MINPP1: variants seen among roughly 807,000 people sequenced by gnomAD.
MINPP1 encodes the protein multiple inositol polyphosphate phosphatase 1.
A neutral mutation model predicts 46.1 loss-of-function variants in MINPP1; 28 were observed. The observed-to-expected ratio is 0.61, with a 90% confidence interval of 0.45 to 0.83. The LOEUF is 0.83. MINPP1 is among the 40% of genes least tolerant of loss of function. MINPP1 has a pLI of 0.00. For missense variants in MINPP1, 603 were observed against 610.0 expected (o/e 0.99, Z 0.12); for synonymous variants, 268 against 249.1 (o/e 1.08, Z -0.72).
At position 87,505,085 on chromosome 10, in the gene MINPP1, A is replaced by G. The variant is rs1851219136; in HGVS notation, c.170A>G (p.Asn57Ser). 1 of 1,613,332 alleles carries G rather than the reference A, an allele frequency of 6.2e-7. No homozygotes were observed. Among genetic ancestry groups the G allele is most frequent in the African/African-American group, 1.3e-5 (1 of 74,890 alleles). Residue 57 changes from asparagine to serine, a missense_variant, in exon 1 of 5, where the codon AAC becomes AGC. By Grantham distance (46) the Asn-to-Ser change is conservative. Coordinates refer to ENST00000371996, the MANE Select transcript of MINPP1 (RefSeq NM_004897.5). The surrounding 1 kb of genome is among the most constrained non-coding windows in gnomAD (Gnocchi z 4.4). ...FGTKTRYEDV[N>S]PVLLSGPEAP... ...ACCAAGACTCGCTACGAGGATGTCAACCCCGTGCTATTGTCGGGCCCCGAG... is the reference window on the plus strand; with the variant it reads ...ACCAAGACTCGCTACGAGGATGTCAGCCCCGTGCTATTGTCGGGCCCCGAG...
chr10:87,536,569 AC>A (rs1210498399), intron 4 of MINPP1, among the ~76,000 whole-genome samples: 2 of 151,768 alleles, frequency 1.3e-5, no homozygotes, highest in African/African-American at 4.8e-5. Flanking sequence ...TTCACTTTCT[AC>A]CCCCATTTTC....
At chr10:87,513,263 T>A (rs763926878) in intron 3 of MINPP1, 42 bp downstream of exon 3, 94 of 1,459,488 alleles carry the variant, frequency 6.4e-5, no homozygotes, top group East Asian at 1.6e-4. Flanking sequence ...TTTAAAAAAA[T>A]TTTTTTTGGC....
chr10:87,524,558 G>A (rs371359413), intron 4 of MINPP1, among the ~76,000 whole-genome samples: 11 of 152,206 alleles, frequency 7.2e-5, no homozygotes, highest in African/African-American at 2.7e-4. Context: ...TGACCCAAGA[G>A]ACCTAGTTTT....
At chr10:87,548,028 G>A (rs1489093941) in intron 4 of MINPP1, among the ~76,000 whole-genome samples, 1 of 152,168 alleles carries the variant, frequency 6.6e-6, no homozygotes, top group Non-Finnish European at 1.5e-5. Flanking sequence ...ACCAAGTTAT[G>A]CCCTGTAGTT....
At chr10:87,507,462 T>C (rs1218297183) in intron 1 of MINPP1, among the ~76,000 whole-genome samples, 3 of 150,732 alleles carry the variant, frequency 2.0e-5, no homozygotes, top group African/African-American at 7.4e-5. Context: ...GTGGGCAGAA[T>C]TATCCATTTC....
At chr10:87,534,696 T>C (rs1851709042) in intron 4 of MINPP1, among the ~76,000 whole-genome samples, 1 of 152,208 alleles carries the variant, frequency 6.6e-6, no homozygotes, top group Non-Finnish European at 1.5e-5. Flanking sequence ...AGTTACTATT[T>C]TAAAAAAAGA....
chr10:87,520,943 CATTGT>C (rs988045392), intron 3 of MINPP1, 88 bp from the exon 4 acceptor site: 56 of 649,648 alleles, frequency 8.6e-5, no homozygotes, highest in Non-Finnish European at 1.3e-4. Context: ...GGTAATTAAA[CATTGT>C]AACCATTTCT....
chr10:87,511,729 T>C (rs1442979650), intron 2 of MINPP1, among the ~76,000 whole-genome samples: 1 of 152,152 alleles, frequency 6.6e-6, no homozygotes, highest in African/African-American at 2.4e-5. Context: ...TTTTTTTTTC[T>C]GGTAAACTCT....
At chr10:87,539,384 T>C (rs1851781742) in intron 4 of MINPP1, among the ~76,000 whole-genome samples, 1 of 152,190 alleles carries the variant, frequency 6.6e-6, no homozygotes, top group South Asian at 2.1e-4. Flanking sequence ...TTTGGGATAC[T>C]TCTGCCAAGA....
intron 4 of MINPP1, among the ~76,000 whole-genome samples, chr10:87,544,975 A>C (rs1311273049): frequency 2.0e-5 from 3 of 152,328 alleles, no homozygotes; most frequent in Middle Eastern, 3.4e-3. Context: ...TAGTTGTTGC[A>C]ACTTATTTAA....
chr10:87,548,224 A>G (rs1851915293), intron 4 of MINPP1, among the ~76,000 whole-genome samples: 1 of 152,118 alleles, frequency 6.6e-6, no homozygotes. Context: ...CTTAGTCACA[A>G]GGATTTGTTC....
chr10:87,525,670 A>C lies in MINPP1; in HGVS notation c.1067+4501A>C, dbSNP rs550964652. Among the ~76,000 whole-genome samples, 61 of 152,248 alleles carry C rather than the reference A, an allele frequency of 4.0e-4. 1 individual carries two copies. The highest frequency in any genetic ancestry group is 1.3e-3 in the African/African-American group (52 of 41,534). The stretch of plus-strand genomic sequence containing the variant: ...CATTAACTCGTCATTTACGTTAGGT[A>C]TATCTCCTAATGCTATCCTTTCCCC... On this transcript the variant is annotated intron_variant, in intron 4 of 4. Transcript: ENST00000371996.
chr10:87,534,727 C>T (rs1053552012), intron 4 of MINPP1, among the ~76,000 whole-genome samples: 3 of 152,136 alleles, frequency 2.0e-5, no homozygotes, highest in Admixed American at 6.5e-5. Flanking sequence ...ACACAAAACC[C>T]CACAACTTTT....
intron 4 of MINPP1, among the ~76,000 whole-genome samples, chr10:87,549,210 A>G (rs1199540699): frequency 2.6e-5 from 4 of 152,348 alleles, no homozygotes; most frequent in African/African-American, 7.2e-5. Flanking sequence ...CTTGAAATTT[A>G]CAACTTAAAT....
intron 4 of MINPP1, among the ~76,000 whole-genome samples, chr10:87,543,495 AAAT>A (rs1851845839): frequency 1.3e-5 from 2 of 152,226 alleles, no homozygotes; most frequent in Non-Finnish European, 2.9e-5. Flanking sequence ...TCTCTACAAA[AAAT>A]AAAATAATTA....
Position 87,522,349 on chromosome 10 carries a change from T to C in MINPP1, c.1067+1180T>C, listed in dbSNP as rs1389377012. On this transcript the variant is annotated intron_variant, in intron 4 of 4. Transcript: ENST00000371996. ...CGCAATATATTGGAAAATAATTGAA[T>C]TTTTTTAATTAAGGATTTTACAGTG... is the stretch of plus-strand genomic sequence containing the variant. Among the ~76,000 whole-genome samples the C allele has an allele frequency of 3.3e-5, 5 of 152,090 alleles. No homozygotes were observed. The East Asian group carries it at 9.6e-4, about 29-fold the overall frequency.
intron 3 of MINPP1, among the ~76,000 whole-genome samples, chr10:87,518,670 C>T (rs1485214250): frequency 3.3e-5 from 5 of 152,272 alleles, no homozygotes; most frequent in Middle Eastern, 6.8e-3. Context: ...AGTGCCCCAT[C>T]GGTACTCTTC....
chr10:87,505,303 G>A lies in MINPP1; in HGVS notation c.388G>A (p.Ala130Thr). ...SSTGSRDLGA[A>T]LADWPLWYAD... The stretch of plus-strand genomic sequence containing the variant: ...TACCGGCAGCCGCGACCTGGGTGCA[G>A]CGCTGGCCGACTGGCCTTTGTGGTA... Residue 130 changes from alanine (A) to threonine (T), a missense_variant, in exon 1 of 5, where the codon GCG becomes ACG. This residue lies in a region of MINPP1 where 239 missense variants were observed against 189.4 expected (regional missense o/e 1.26). Coordinates refer to ENST00000371996, the MANE Select transcript of MINPP1 (RefSeq NM_004897.5). The surrounding 1 kb of genome is among the most constrained non-coding windows in gnomAD (Gnocchi z 4.4). 2 of 1,612,120 alleles carry A rather than the reference G, an allele frequency of 1.2e-6. No homozygotes were observed. The highest frequency in any genetic ancestry group is 1.7e-6 in the Non-Finnish European group (2 of 1,178,538).
chr10:87,525,951 A>G (rs1266874872), intron 4 of MINPP1, among the ~76,000 whole-genome samples: 1 of 152,350 alleles, frequency 6.6e-6, no homozygotes, highest in Admixed American at 6.5e-5. Flanking sequence ...AATCCAGTCT[A>G]TCATTGATGG....
Sources: allele counts gnomAD v4.1 joint callset (sites outside exome capture counted in the v4.1 genomes callset), GRCh38; gene constraint gnomAD v4.1.1; regional missense constraint gnomAD v4.1.1; non-coding constraint Gnocchi (gnomAD v3.1); transcripts MANE v1.5; gene names NCBI Gene and HGNC (gene_info 2026-07-23, HGNC 2026-07-21).